POU2F2: variants seen among roughly 807,000 people sequenced by gnomAD.
The protein encoded by POU2F2 is POU domain, class 2, transcription factor 2.
In POU2F2, 14 loss-of-function variants were observed where a neutral mutation model predicts 63.5. The observed-to-expected ratio is 0.22, with a 90% CI of 0.15 to 0.34. The LOEUF is 0.34. Ranked by LOEUF, POU2F2 falls within the 10% of genes least tolerant of loss-of-function variation. POU2F2 has a pLI of 1.00. For synonymous variants in POU2F2, 306 were observed against 348.6 expected (o/e 0.88, Z 1.36); for missense variants, 607 against 815.2 (o/e 0.74, Z 3.11).
In POU2F2 at chr19:42,105,975, CAT is replaced by C. The variant is rs749578339; in HGVS notation, c.370-6156_370-6155del. On this transcript the variant is annotated intron_variant, in intron 5 of 14. Coordinates refer to ENST00000692977, the MANE Select transcript of POU2F2 (RefSeq NM_001394376.1). The stretch of plus-strand genomic sequence containing the variant: ...TCTTCTCAGAATTAAAAACACATAA[CAT>C]ATGATATATAGGATCTTTCTTTTTT... Among the ~76,000 whole-genome samples, 61 of 151,340 alleles carry C rather than the reference CAT, an allele frequency of 4.0e-4. No individual in the cohort carries two copies. The Middle Eastern group carries it at 0.014, about 34-fold the overall frequency.
At chr19:42,182,769 T>G (rs1012107789) in intron 1 of POU2F2, among the ~76,000 whole-genome samples, 2 of 151,886 alleles carry the variant, frequency 1.3e-5, no homozygotes, top group Non-Finnish European at 2.9e-5. Context: ...TGGACTGAGA[T>G]GTGGAGTCAT....
At chr19:42,112,062 T>C (rs1315395584) in intron 5 of POU2F2, among the ~76,000 whole-genome samples, 1 of 152,178 alleles carries the variant, frequency 6.6e-6, no homozygotes, top group Non-Finnish European at 1.5e-5. Flanking sequence ...CATGCTACCT[T>C]ATGCTAAAAT....
At chr19:42,183,297 A>G (rs536422624) in intron 1 of POU2F2, among the ~76,000 whole-genome samples, 1 of 152,356 alleles carries the variant, frequency 6.6e-6, no homozygotes, top group South Asian at 2.1e-4. Flanking sequence ...TGATACACAC[A>G]GCAACACAGA....
intron 5 of POU2F2, among the ~76,000 whole-genome samples, chr19:42,106,624 A>T (rs2030060669): frequency 6.6e-6 from 1 of 152,144 alleles, no homozygotes; most frequent in African/African-American, 2.4e-5. Context: ...TCTAAAATAA[A>T]AACTGGCTGG....
At chr19:42,173,130 G>A (rs942755499) in intron 1 of POU2F2, among the ~76,000 whole-genome samples, 5 of 152,080 alleles carry the variant, frequency 3.3e-5, no homozygotes, top group Non-Finnish European at 7.4e-5. Context: ...GAGCCCAAGG[G>A]AAAAATGATG....
At position 42,099,696 on chromosome 19, in the gene POU2F2, A is replaced by G; in HGVS notation, c.475+20T>C. 1 of 1,599,460 alleles carries G rather than the reference A, an allele frequency of 6.3e-7. No homozygotes were observed. The highest frequency in any genetic ancestry group is 8.5e-7 in the Non-Finnish European group (1 of 1,172,094). ...GTTCTGTGGAGGCGTCAGGGAGGCC[A>G]TCTGGGGTGGGGGCCTTACCTGGCT... On this transcript the variant is annotated intron_variant, in intron 6 of 14. Transcript: ENST00000692977.
intron 5 of POU2F2, among the ~76,000 whole-genome samples, chr19:42,105,898 T>C (rs550076446): frequency 6.6e-6 from 1 of 152,174 alleles, no homozygotes; most frequent in East Asian, 1.9e-4. Flanking sequence ...GGTCTAAATG[T>C]TTTTGTGCCC....
chr19:42,182,934 C>T (rs953508140), intron 1 of POU2F2, among the ~76,000 whole-genome samples: 4 of 152,004 alleles, frequency 2.6e-5, no homozygotes, highest in African/African-American at 7.3e-5. Flanking sequence ...AGCGGGGAAT[C>T]GAAGACCAGG....
At chr19:42,127,659 G>A (rs1375658570) in intron 1 of POU2F2, among the ~76,000 whole-genome samples, 1 of 152,010 alleles carries the variant, frequency 6.6e-6, no homozygotes, top group Non-Finnish European at 1.5e-5. Flanking sequence ...GGGATTACAG[G>A]CGTGAGCCAC....
Position 42,089,844 on chromosome 19 carries a change from G to A in POU2F2, c.*1413C>T. The A allele has an allele frequency of 6.6e-6, 1 of 152,012 alleles. No individual in the cohort carries two copies. Among genetic ancestry groups the A allele is most frequent in the East Asian group, 1.9e-4 (1 of 5,192 alleles). 9.4% of individuals were successfully genotyped at this position (152,012 alleles called of 1,614,324 possible). On this transcript the variant is annotated 3_prime_UTR_variant, in exon 15 of 15. Transcript: ENST00000692977. Reference sequence around the variant, plus strand: ...TGGCCTCCACAATAGCAGGAGGGCAGGGTGGCTCCCAGTGGTGTCTCTCCT... The same window carrying A: ...TGGCCTCCACAATAGCAGGAGGGCAAGGTGGCTCCCAGTGGTGTCTCTCCT...
chr19:42,147,317 C>T (rs2034251820), intron 2 of POU2F2, among the ~76,000 whole-genome samples: 1 of 152,202 alleles, frequency 6.6e-6, no homozygotes, highest in Admixed American at 6.5e-5. Context: ...GCCATTCCCT[C>T]TGCCTGGAAC....
intron 2 of POU2F2, among the ~76,000 whole-genome samples, chr19:42,146,318 G>A (rs150403565): frequency 1.3e-5 from 2 of 152,196 alleles, no homozygotes. Context: ...TCAAACCCTT[G>A]CCCACCCTGT....
chr19:42,136,880 G>A (rs1177965196), upstream of POU2F2: 1 of 152,226 alleles, frequency 6.6e-6, no homozygotes, highest in African/African-American at 2.4e-5. Flanking sequence ...ATCAGCTCCT[G>A]GCTGAAGGTG....
At chr19:42,131,845 G>A (rs2033762726) in intron 1 of POU2F2, among the ~76,000 whole-genome samples, 1 of 151,958 alleles carries the variant, frequency 6.6e-6, no homozygotes, top group Non-Finnish European at 1.5e-5. Flanking sequence ...AAGTGAAGAA[G>A]GGAGCCAGGC....
upstream of POU2F2, chr19:42,133,543 G>C (rs1460183712): frequency 1.9e-5 from 3 of 154,516 alleles, no homozygotes; most frequent in Admixed American, 2.0e-4. This position sits in a 1 kb window ranked among gnomAD's most constrained non-coding sequence, Gnocchi z 5.1. Context: ...TGGCTGGGGG[G>C]CCCCCTAAAC....
At position 42,108,485 on chromosome 19, in the gene POU2F2, G is replaced by A. The variant is rs1211888171; in HGVS notation, c.370-8664C>T. Among the ~76,000 whole-genome samples the A allele has an allele frequency of 4.6e-5, 7 of 152,150 alleles. No homozygotes were observed. The South Asian group carries it at 8.3e-4, about 18-fold the overall frequency. ...AGCTACTCGGGAGACTGAGGTGGGA[G>A]GATGGCCTGACCCTGGGAGGTCAAG... On this transcript the variant is annotated intron_variant, in intron 5 of 14. Transcript: ENST00000692977.
At chr19:42,119,651 G>A (rs759088971) in intron 4 of POU2F2, among the ~76,000 whole-genome samples, 4 of 152,130 alleles carry the variant, frequency 2.6e-5, no homozygotes, top group Non-Finnish European at 4.4e-5. Context: ...CAGCCTGGGC[G>A]ACAGAGCGAG....
At position 42,195,834 on chromosome 19, in the gene POU2F2, C is replaced by A. The variant is rs529382776; in HGVS notation, c.-70+549G>T. Among the ~76,000 whole-genome samples the A allele has an allele frequency of 8.1e-4, 116 of 144,080 alleles. 1 individual carries two copies. Among genetic ancestry groups the A allele is most frequent in the Admixed American group, 2.1e-3 (30 of 13,980 alleles). 94.5% of individuals were successfully genotyped at this position (144,080 alleles called of 152,430 possible). On this transcript the variant is annotated intron_variant, in intron 1 of 5. Coordinates refer to the POU2F2 transcript ENST00000532176. Reference sequence around the variant, plus strand: ...TCATTCTGTTGCCCAGGCTGGACTTCAGTGGCGTGATTTCGGCTCACTGCA... The same window carrying A: ...TCATTCTGTTGCCCAGGCTGGACTTAAGTGGCGTGATTTCGGCTCACTGCA...
In POU2F2 at chr19:42,117,740, G is replaced by A. The variant is rs2032109454; in HGVS notation, c.187-308C>T. ...CATACCTGTAACCCTAGCACTTTGG[G>A]AGGTCGAGGCAGGCGGATCACTTGG... On this transcript the variant is annotated intron_variant, in intron 4 of 14. Transcript: ENST00000692977. The surrounding 1 kb of genome is among the most constrained non-coding windows in gnomAD (Gnocchi z 4.4). Among the ~76,000 whole-genome samples, 1 of 151,854 alleles carries A rather than the reference G, an allele frequency of 6.6e-6. No individual in the cohort carries two copies. The highest frequency in any genetic ancestry group is 1.5e-5 in the Non-Finnish European group (1 of 67,964).
Sources: gnomAD v4.1 joint callset for allele counts (sites outside exome capture counted in the v4.1 genomes callset) on GRCh38, gnomAD v4.1.1 for gene constraint, Gnocchi (gnomAD v3.1) non-coding constraint, MANE v1.5 for transcripts, NCBI Gene and HGNC (gene_info 2026-07-23, HGNC 2026-07-21) for gene names.